The following RBFOX1 variants were observed in gnomAD, a reference collection of about 807,000 sequenced individuals.
RBFOX1 encodes RNA binding fox-1 homolog 1.
A neutral mutation model predicts 57.7 loss-of-function variants in RBFOX1; 8 were observed. That is an observed-to-expected ratio of 0.14 (90% confidence interval 0.08 to 0.25). RBFOX1 has a LOEUF of 0.25. RBFOX1 is among the 10% of genes least tolerant of loss of function. The pLI is 1.00. For synonymous variants in RBFOX1, 326 were observed against 222.4 expected, an observed-to-expected ratio of 1.47 and a Z score of -4.15; for missense variants, 611 against 548.5, an observed-to-expected ratio of 1.11 and a Z score of -1.14.
intron 3 of RBFOX1, among the ~76,000 whole-genome samples, chr16:7,016,193 T>C (rs1367189238): frequency 6.6e-6 from 1 of 152,172 alleles, no homozygotes; most frequent in Non-Finnish European, 1.5e-5. Flanking sequence ...AAGTCCTTTG[T>C]TGAGATCAGG....
intron 4 of RBFOX1, among the ~76,000 whole-genome samples, chr16:5,876,441 C>G (rs912549677): frequency 2.0e-5 from 3 of 152,168 alleles, no homozygotes; most frequent in African/African-American, 4.8e-5. Flanking sequence ...GACCCCCAAA[C>G]CAGCTGGGGT....
intron 1 of RBFOX1, among the ~76,000 whole-genome samples, chr16:5,353,290 A>G (rs1437504139): frequency 1.3e-5 from 2 of 150,174 alleles, no homozygotes; most frequent in Admixed American, 6.7e-5. Flanking sequence ...AGCCAGGAGT[A>G]TTGCTTGAGC....
At chr16:6,991,176 G>A (rs1417666627) in intron 3 of RBFOX1, among the ~76,000 whole-genome samples, 1 of 146,464 alleles carries the variant, frequency 6.8e-6, no homozygotes, top group Non-Finnish European at 1.5e-5. Context: ...ACGGTGGCGT[G>A]TACCTTTAGT....
chr16:7,525,353 T>C (rs527897528), intron 5 of RBFOX1, among the ~76,000 whole-genome samples: 1 of 152,312 alleles, frequency 6.6e-6, no homozygotes, highest in Non-Finnish European at 1.5e-5. Flanking sequence ...ATTTAGGTTG[T>C]CTCTGGGTTT....
In RBFOX1 at chr16:7,449,733, G is replaced by T. The variant is rs573092932; in HGVS notation, c.28-68414G>T. On this transcript the variant is annotated intron_variant, in intron 4 of 15. Transcript: ENST00000550418. Reference sequence around the variant, plus strand: ...ACATGTATGTGTGTGTGTGTGTGGGGGGGGGGGGTTGTTTTGTTTTGTTTT... The same window carrying T: ...ACATGTATGTGTGTGTGTGTGTGGGTGGGGGGGGTTGTTTTGTTTTGTTTT... Among the ~76,000 whole-genome samples the T allele has an allele frequency of 4.7e-3, 661 of 141,468 alleles. 41 individuals carry two copies. Among genetic ancestry groups the T allele is most frequent in the Middle Eastern group, 0.018 (5 of 274 alleles). The allele number at this position is 141,468 out of a possible 152,430, so 92.8% of individuals were successfully genotyped here.
chr16:5,846,987 C>G (rs982530858), intron 3 of RBFOX1, among the ~76,000 whole-genome samples: 3 of 152,198 alleles, frequency 2.0e-5, no homozygotes, highest in African/African-American at 7.2e-5. Context: ...ATCAGTCTGT[C>G]TCCATCTCCT....
Position 6,058,921 on chromosome 16 carries a change from C to A in RBFOX1, c.-127+38929C>A, listed in dbSNP as rs77734872. 3.2e-3 allele frequency among the ~76,000 whole-genome samples: 483 copies of A among 152,318 alleles called. 3 individuals carry two copies. The highest frequency in any genetic ancestry group is 0.011 in the African/African-American group (462 of 41,560). Reference sequence around the variant, plus strand: ...CAGTAATTAAAACAGCACCATTTTGCAGAGTTGCTTCACTCTAGCTTTCTT... The same window carrying A: ...CAGTAATTAAAACAGCACCATTTTGAAGAGTTGCTTCACTCTAGCTTTCTT... On this transcript the variant is annotated intron_variant, in intron 1 of 15. Coordinates refer to ENST00000550418, the MANE Select transcript of RBFOX1 (RefSeq NM_018723.4).
At chr16:6,471,890 G>A (rs2095183776) in intron 2 of RBFOX1, among the ~76,000 whole-genome samples, 2 of 152,122 alleles carry the variant, frequency 1.3e-5, no homozygotes, top group Admixed American at 1.3e-4. Context: ...ATAGGGAAAG[G>A]GAAGGGAAAT....
intron 1 of RBFOX1, among the ~76,000 whole-genome samples, chr16:6,187,447 C>A (rs761686724): frequency 3.3e-5 from 5 of 152,066 alleles, no homozygotes; most frequent in Non-Finnish European, 5.9e-5. Context: ...GGAATTTAGG[C>A]GGAAGTCAGA....
chr16:7,208,821 A>G (rs1755020226), intron 4 of RBFOX1, among the ~76,000 whole-genome samples: 1 of 152,124 alleles, frequency 6.6e-6, no homozygotes, highest in Non-Finnish European at 1.5e-5. Flanking sequence ...CTGGGTGAAG[A>G]GTGAGATTCT....
intron 2 of RBFOX1, among the ~76,000 whole-genome samples, chr16:6,481,934 C>G (rs1325245084): frequency 6.6e-6 from 1 of 152,062 alleles, no homozygotes; most frequent in East Asian, 1.9e-4. Flanking sequence ...AAAAAAATCC[C>G]TCCTCGTTTT....
intron 4 of RBFOX1, among the ~76,000 whole-genome samples, chr16:7,276,999 C>T (rs1310621037): frequency 6.6e-6 from 1 of 152,142 alleles, no homozygotes; most frequent in African/African-American, 2.4e-5. Context: ...GATGGTATAA[C>T]TTTGCGTCTT....
intron 7 of RBFOX1, 93 bp downstream of exon 7, chr16:7,587,393 A>G (rs1419145772): frequency 4.8e-6 from 6 of 1,250,474 alleles, no homozygotes; most frequent in East Asian, 2.8e-5. Context: ...TAATCAGCTC[A>G]TTGTGAAAAT....
rs560255412 is a variant in RBFOX1 at position 6,345,034 on chromosome 16, T to C, written c.-64+27977T>C. On this transcript the variant is annotated intron_variant, in intron 2 of 15. Transcript: ENST00000550418. ...AACAAGAACAATATATGGCGGCTTT[T>C]AGGGTGTTATGATGATACAGTAGGA... is the stretch of plus-strand genomic sequence containing the variant. 1.8e-4 allele frequency among the ~76,000 whole-genome samples: 27 copies of C among 152,160 alleles called. No homozygotes were observed. The South Asian group carries it at 5.4e-3, about 30-fold the overall frequency.
chr16:6,895,018 A>G (rs2066418428), intron 3 of RBFOX1, among the ~76,000 whole-genome samples: 1 of 152,190 alleles, frequency 6.6e-6, no homozygotes, highest in South Asian at 2.1e-4. Context: ...ACGTCAGTCT[A>G]GTTCATCCTT....
downstream of RBFOX1, among the ~76,000 whole-genome samples, chr16:5,603,403 G>T (rs77882545): frequency 6.6e-6 from 1 of 152,156 alleles, no homozygotes; most frequent in African/African-American, 2.4e-5. Context: ...TGGGGAAGCA[G>T]TCTGAAATTC....
At chr16:5,592,700 C>T (rs565608257) in intron 2 of RBFOX1, among the ~76,000 whole-genome samples, 1 of 152,272 alleles carries the variant, frequency 6.6e-6, no homozygotes, top group African/African-American at 2.4e-5. Flanking sequence ...TGATGTTTTG[C>T]CTCCAAGAAG....
intron 3 of RBFOX1, among the ~76,000 whole-genome samples, chr16:6,913,974 C>A (rs978672714): frequency 6.6e-6 from 1 of 152,172 alleles, no homozygotes; most frequent in Admixed American, 6.5e-5. Flanking sequence ...CTCCCCACCT[C>A]ATGTATACAT....
chr16:6,076,226 G>C (rs2095897590), intron 1 of RBFOX1, among the ~76,000 whole-genome samples: 1 of 152,042 alleles, frequency 6.6e-6, no homozygotes, highest in Admixed American at 6.5e-5. Flanking sequence ...TTGAACCCGG[G>C]AGGCGGAAGT....
Sources: gnomAD v4.1 joint callset for allele counts (sites outside exome capture counted in the v4.1 genomes callset) on GRCh38, gnomAD v4.1.1 for gene constraint, MANE v1.5 for transcripts, NCBI Gene and HGNC (gene_info 2026-07-23, HGNC 2026-07-21) for gene names.